Variants in COL4A1 observed in about 807,000 individuals in gnomAD.
COL4A1 encodes collagen type IV alpha 1 chain.
In COL4A1, 40 loss-of-function variants were observed where a neutral mutation model predicts 216.6. The observed-to-expected ratio is 0.18, with a 90% CI of 0.14 to 0.24. The LOEUF is 0.24. Among genes scored for constraint, COL4A1 ranks in the 10% least tolerant of loss-of-function variants. The pLI is 1.00. For synonymous variants in COL4A1, 839 were observed against 810.7 expected (o/e 1.03, Z -0.59); for missense variants, 1,628 against 2,196.8 (o/e 0.74, Z 5.18).
chr13:110,172,840 C>G, intron 40 of COL4A1, 70 bp from the exon 41 acceptor site: 2 of 1,240,030 alleles, frequency 1.6e-6, no homozygotes, highest in South Asian at 2.4e-5. Flanking sequence ...CAACACAAAG[C>G]ACTATCAACT....
intron 1 of COL4A1, among the ~76,000 whole-genome samples, chr13:110,280,434 T>A (rs1470602551): frequency 1.3e-5 from 2 of 152,218 alleles, no homozygotes; most frequent in Non-Finnish European, 2.9e-5. Context: ...ATAATTCTCA[T>A]GAATACATCA....
chr13:110,150,178 T>C lies in COL4A1; in HGVS notation c.*185A>G. On this transcript the variant is annotated 3_prime_UTR_variant, in exon 52 of 52. Transcript: ENST00000375820. ...CACTATTGAAAGCTTATCGCTGTCT[T>C]TTTCTCCTTCAGCAAGTAGAGGTCA... The C allele has an allele frequency of 1.5e-6, 1 of 668,598 alleles. No homozygotes were observed. Among genetic ancestry groups the C allele is most frequent in the Non-Finnish European group, 2.7e-6 (1 of 368,382 alleles). 41.4% of individuals were successfully genotyped at this position (668,598 alleles called of 1,614,324 possible). A position where few individuals can be genotyped will look rare whatever the true frequency, so the allele number is the denominator to read the frequency against.
At chr13:110,222,771 T>TAAA (rs751501177) in intron 2 of COL4A1, among the ~76,000 whole-genome samples, 4,199 of 93,176 alleles carry the variant, frequency 0.045, 741 homozygotes, top group Non-Finnish European at 0.049. Flanking sequence ...AGACTCTGCT[T>TAAA]TAAAAAAAAA....
chr13:110,288,896 G>C (rs60185726), intron 1 of COL4A1, among the ~76,000 whole-genome samples: 4 of 152,122 alleles, frequency 2.6e-5, no homozygotes. Context: ...GCTGGGTGTG[G>C]TGGCGCACGC....
chr13:110,212,456 C>T lies in COL4A1; in HGVS notation c.348G>A (p.Pro116=), dbSNP rs760602242. ...ATCCTGGAATACCTGGGGGGCCTGG[C>T]GGGCCGTCTTGGCCAGGAATTCCCT... is the stretch of plus-strand genomic sequence containing the variant. ...GLPGIPGQDG[P]PGPPGIPGCN... Residue 116 remains proline, a synonymous_variant, in exon 6 of 52, where the codon CCG becomes CCA. Coordinates refer to ENST00000375820, the MANE Select transcript of COL4A1 (RefSeq NM_001845.6). 14 of 1,613,908 alleles carry T rather than the reference C, an allele frequency of 8.7e-6. No homozygotes were observed. Among genetic ancestry groups the T allele is most frequent in the African/African-American group, 5.3e-5 (4 of 74,898 alleles).
At position 110,301,595 on chromosome 13, in the gene COL4A1, A is replaced by G. The variant is rs112019271; in HGVS notation, c.84+5349T>C. 3.4e-3 allele frequency among the ~76,000 whole-genome samples: 522 copies of G among 152,336 alleles called. 4 individuals carry two copies. Among genetic ancestry groups the G allele is most frequent in the African/African-American group, 0.011 (460 of 41,570 alleles). On this transcript the variant is annotated intron_variant, in intron 1 of 51. Coordinates refer to ENST00000375820, the MANE Select transcript of COL4A1 (RefSeq NM_001845.6). ...TTAGGCTGGATTTTTTAAAATCCAG[A>G]TAGTCAACAATATTTCACATTACCA...
chr13:110,170,861 A>T, intron 41 of COL4A1, 129 bp from the exon 42 acceptor site: 1 of 947,382 alleles, frequency 1.1e-6, no homozygotes, highest in East Asian at 2.5e-5. Context: ...GCTTCCAGGG[A>T]CACCACAGGA....
rs1195971899 is a variant in COL4A1 at position 110,211,148 on chromosome 13, G to T, written c.468+499C>A. The stretch of plus-strand genomic sequence containing the variant: ...ATCTCTACTGCAGCTGCTGAGACCT[G>T]TAAGCCTCCCTTTGACAAGGCTGAT... On this transcript the variant is annotated intron_variant, in intron 8 of 51. Transcript: ENST00000375820. The surrounding 1 kb of genome is among the most constrained non-coding windows in gnomAD (Gnocchi z 4.3). Among the ~76,000 whole-genome samples, 1 of 152,186 alleles carries T rather than the reference G, an allele frequency of 6.6e-6. No homozygotes were observed. Among genetic ancestry groups the T allele is most frequent in the Non-Finnish European group, 1.5e-5 (1 of 68,044 alleles).
intron 4 of COL4A1, 80 bp downstream of exon 4, chr13:110,213,702 G>C (rs1879930447): frequency 2.1e-6 from 3 of 1,407,518 alleles, no homozygotes; most frequent in Non-Finnish European, 3.0e-6. Flanking sequence ...CAAGGAGAAA[G>C]GAGGGAAAAG....
chr13:110,233,417 T>C (rs565030977), intron 2 of COL4A1, among the ~76,000 whole-genome samples: 140 of 152,228 alleles, frequency 9.2e-4, no homozygotes, highest in Non-Finnish European at 1.3e-3. Flanking sequence ...CACCCTCGGG[T>C]CCTGCAGATG....
intron 18 of COL4A1, among the ~76,000 whole-genome samples, chr13:110,202,539 A>T (rs1161799302): frequency 6.6e-6 from 1 of 152,244 alleles, no homozygotes; most frequent in Non-Finnish European, 1.5e-5. Context: ...TTAAAAAATG[A>T]AAGTAAAACC....
rs1192196 is a variant in COL4A1, at chr13:110,222,751, C to G, written c.145-8736G>C. On this transcript the variant is annotated intron_variant, in intron 2 of 51. Coordinates refer to ENST00000375820, the MANE Select transcript of COL4A1 (RefSeq NM_001845.6). Reference sequence around the variant, plus strand: ...TCGTGCCACTGCACTCCAGCCTGGGCGACAGAGCCAGACTCTGCTTTAAAA... The same window carrying G: ...TCGTGCCACTGCACTCCAGCCTGGGGGACAGAGCCAGACTCTGCTTTAAAA... Among the ~76,000 whole-genome samples, 11 of 119,674 alleles carry G rather than the reference C, an allele frequency of 9.2e-5. No individual in the cohort carries two copies. In the East Asian group the frequency reaches 3.1e-3, roughly 34 times the overall value. The allele number at this position is 119,674 out of a possible 152,430, so 78.5% of individuals were successfully genotyped here.
At chr13:110,170,116 A>G in intron 42 of COL4A1, among the ~76,000 whole-genome samples, 2 of 3,274 alleles carry the variant, frequency 6.1e-4, no homozygotes, top group Admixed American at 4.3e-3. Flanking sequence ...GGAGGAAAGA[A>G]GGAAGGAAGG....
At chr13:110,250,393 G>T (rs1020096667) in intron 1 of COL4A1, among the ~76,000 whole-genome samples, 3 of 152,116 alleles carry the variant, frequency 2.0e-5, no homozygotes, top group Non-Finnish European at 4.4e-5. Context: ...GGAAATGAGG[G>T]TGTTTTCTTG....
intron 1 of COL4A1, among the ~76,000 whole-genome samples, chr13:110,299,653 C>G (rs1479251407): frequency 6.6e-6 from 1 of 152,230 alleles, no homozygotes; most frequent in East Asian, 1.9e-4. Context: ...TGTCCCTGGA[C>G]TGTCTCCTCT....
chr13:110,206,722 G>T lies in COL4A1; in HGVS notation c.808-7C>A, dbSNP rs9588116. On this transcript the variant is annotated splice_region_variant and splice_polypyrimidine_tract_variant and intron_variant, in intron 14 of 51. Transcript: ENST00000375820. ...CTCCGACCCCTGGCATCCCCTTAAA[G>T]GAATAAAAAGACAAAGAGATTTATT... The T allele has an allele frequency of 3.5e-3, 5,608 of 1,613,726 alleles. 163 individuals carry two copies. In the African/African-American group the frequency reaches 0.068, roughly 20 times the overall value.
intron 26 of COL4A1, among the ~76,000 whole-genome samples, chr13:110,185,486 T>C (rs1251446389): frequency 6.6e-6 from 1 of 152,164 alleles, no homozygotes; most frequent in African/African-American, 2.4e-5. Context: ...GGTTTACTAG[T>C]TAGATATTTT....
chr13:110,210,720 C>T (rs149938630), intron 8 of COL4A1, among the ~76,000 whole-genome samples: 18 of 152,328 alleles, frequency 1.2e-4, no homozygotes, highest in Non-Finnish European at 1.8e-4. Flanking sequence ...GAGCTTAACA[C>T]TTAAATCAGT....
intron 2 of COL4A1, among the ~76,000 whole-genome samples, chr13:110,237,450 G>T (rs1881368196): frequency 1.3e-5 from 2 of 152,188 alleles, no homozygotes; most frequent in Non-Finnish European, 2.9e-5. Flanking sequence ...CTGCTGGGGT[G>T]GGGGTGCTCC....
Sources: allele counts gnomAD v4.1 joint callset (sites outside exome capture counted in the v4.1 genomes callset), GRCh38; gene constraint gnomAD v4.1.1; non-coding constraint Gnocchi (gnomAD v3.1); transcripts MANE v1.5; gene names NCBI Gene and HGNC (gene_info 2026-07-23, HGNC 2026-07-21).